Variants in FUT2 observed in about 807,000 individuals in gnomAD.
The protein encoded by FUT2 is fucosyltransferase 2 (H blood group), also known as galactoside alpha-(1,2)-fucosyltransferase 2.
For synonymous variants in FUT2, 182 were observed against 193.1 expected (o/e 0.94, Z 0.48); for missense variants, 419 against 465.8 (o/e 0.90, Z 0.93).
Position 48,703,939 on chromosome 19 carries a change from C to G in FUT2, c.983C>G (p.Pro328Arg), listed in dbSNP as rs200626231. The change falls in exon 2 of 2, where the codon CCG (proline) becomes CGG (arginine). Residue 328 changes from proline to arginine, a missense_variant. By Grantham distance (103) the Pro-to-Arg change is moderately radical (BLOSUM62 -2). Transcript: ENST00000425340. Reference sequence around the variant, plus strand: ...TTTAAGCCAGAGGCAGCCTTCCTGCCGGAGTGGACAGGGATTGCCGCAGAC... The same window carrying G: ...TTTAAGCCAGAGGCAGCCTTCCTGCGGGAGTGGACAGGGATTGCCGCAGAC... ...KIFKPEAAFL[P>R]EWTGIAADLS... is the part of the protein sequence containing the mutation. 2 of 1,613,538 alleles carry G rather than the reference C, an allele frequency of 1.2e-6. No homozygotes were observed. The highest frequency in any genetic ancestry group is 1.6e-4 in the Middle Eastern group (1 of 6,062).
chr19:48,704,364 G>A lies in FUT2; in HGVS notation c.*376G>A. The A allele has an allele frequency of 2.8e-6, 1 of 359,898 alleles. No homozygotes were observed. The highest frequency in any genetic ancestry group is 5.2e-6 in the Non-Finnish European group (1 of 190,704). 22.3% of individuals were successfully genotyped at this position (359,898 alleles called of 1,614,324 possible). A position where few individuals can be genotyped will look rare whatever the true frequency, so the allele number is the denominator to read the frequency against. On this transcript the variant is annotated 3_prime_UTR_variant, in exon 2 of 2. Coordinates refer to ENST00000425340, the MANE Select transcript of FUT2 (RefSeq NM_000511.6). Reference sequence around the variant, plus strand: ...TTGAACCCAGGAGGCGGAGGTTGCAGTGAGCCAAGATGGTGCCGCTGCACT... The same window carrying A: ...TTGAACCCAGGAGGCGGAGGTTGCAATGAGCCAAGATGGTGCCGCTGCACT...
Position 48,705,094 on chromosome 19 carries a change from T to TATTTTA in FUT2, c.*1106_*1107insATTTTA. Reference sequence around the variant, plus strand: ...TGTCCACCCAGAGAGCTCACTGTTTTCTTTTCTTTTTCTTTTCTTTTTTTT... The same window carrying TATTTTA: ...TGTCCACCCAGAGAGCTCACTGTTTTATTTTACTTTTCTTTTTCTTTTCTTTTTTTT... On this transcript the variant is annotated 3_prime_UTR_variant, in exon 2 of 2. Coordinates refer to ENST00000425340, the MANE Select transcript of FUT2 (RefSeq NM_000511.6). 1 of 325,310 alleles carries TATTTTA rather than the reference T, an allele frequency of 3.1e-6. No individual in the cohort carries two copies. The highest frequency in any genetic ancestry group is 5.9e-6 in the Non-Finnish European group (1 of 170,642). 20.2% of individuals were successfully genotyped at this position (325,310 alleles called of 1,614,324 possible). A position where few individuals can be genotyped will look rare whatever the true frequency, so the allele number is the denominator to read the frequency against.
chr19:48,703,607 G>A lies in FUT2; in HGVS notation c.651G>A (p.Val217=), dbSNP rs562359304. Residue 217 remains valine (V), a synonymous_variant, in exon 2 of 2, where the codon GTG becomes GTA. Transcript: ENST00000425340. ...TGCCAAAAGTGTGGAAGGGGGTGGT[G>A]GCCGACCGGCGATACCTACAGCAGG... ...HVMPKVWKGV[V]ADRRYLQQAL... The A allele has an allele frequency of 1.2e-6, 2 of 1,613,294 alleles. No homozygotes were observed. The highest frequency in any genetic ancestry group is 3.3e-5 in the Admixed American group (2 of 59,980).
Position 48,705,765 on chromosome 19 carries a change from G to A in FUT2, c.*1777G>A, listed in dbSNP as rs2032631004. The A allele has an allele frequency of 6.0e-6, 1 of 166,884 alleles. No homozygotes were observed. Among genetic ancestry groups the A allele is most frequent in the Non-Finnish European group, 1.5e-5 (1 of 68,112 alleles). The allele number at this position is 166,884 out of a possible 1,614,324, so 10.3% of individuals were successfully genotyped here. ...TCACCAGTGTGCATACAGTCATGGA[G>A]TTGGGTATTCCCAGCTACCAGGGAG... On this transcript the variant is annotated 3_prime_UTR_variant, in exon 2 of 2. Coordinates refer to ENST00000425340, the MANE Select transcript of FUT2 (RefSeq NM_000511.6).
intron 1 of FUT2, among the ~76,000 whole-genome samples, chr19:48,700,390 G>A (rs1286189132): frequency 6.6e-6 from 1 of 151,050 alleles, no homozygotes; most frequent in East Asian, 2.0e-4. Flanking sequence ...GCAGTGGCGC[G>A]ATCTCGGCTC....
At chr19:48,698,734 C>T (rs939096365) in intron 1 of FUT2, among the ~76,000 whole-genome samples, 1 of 151,894 alleles carries the variant, frequency 6.6e-6, no homozygotes, top group South Asian at 2.1e-4. Flanking sequence ...TGAGCCACTG[C>T]GCCTGGCCTA....
At chr19:48,701,608 G>A (rs563066434) in intron 1 of FUT2, among the ~76,000 whole-genome samples, 1 of 152,100 alleles carries the variant, frequency 6.6e-6, no homozygotes, top group Non-Finnish European at 1.5e-5. Context: ...AGGCCAGGTG[G>A]ACAATTTCCC....
chr19:48,696,261 A>C (rs2032409652), intron 1 of FUT2, 172 bp downstream of exon 1: 1 of 152,218 alleles, frequency 6.6e-6, no homozygotes, highest in African/African-American at 2.4e-5. Flanking sequence ...CTCGGCAGCC[A>C]GGACCCCCCT....
In FUT2 at chr19:48,700,878, T is replaced by G. The variant is rs189990852; in HGVS notation, c.-2-2077T>G. Among the ~76,000 whole-genome samples, 28 of 152,090 alleles carry G rather than the reference T, an allele frequency of 1.8e-4. No individual in the cohort carries two copies. In the East Asian group the frequency reaches 5.5e-3, roughly 30 times the overall value. On this transcript the variant is annotated intron_variant, in intron 1 of 1. Coordinates refer to ENST00000425340, the MANE Select transcript of FUT2 (RefSeq NM_000511.6). ...AAAGAAATGAGACTTCTGGGATTAG[T>G]TTAGCCTCAGATTCTGCAGCTGAGA...
At chr19:48,698,643 T>C (rs935244946) in intron 1 of FUT2, among the ~76,000 whole-genome samples, 1 of 152,016 alleles carries the variant, frequency 6.6e-6, no homozygotes, top group African/African-American at 2.4e-5. Flanking sequence ...GGTTTCTCCA[T>C]GTTGGTCAGG....
rs901264292 is a variant in FUT2, at chr19:48,705,846, T to C, written c.*1858T>C. ...AGTTAGGGAATATAGTGCACCGTGATTGGACTTGCGAATAGCCACTGCACT... is the reference window on the plus strand; with the variant it reads ...AGTTAGGGAATATAGTGCACCGTGACTGGACTTGCGAATAGCCACTGCACT... On this transcript the variant is annotated 3_prime_UTR_variant, in exon 2 of 2. Transcript: ENST00000425340. 31 of 166,338 alleles carry C rather than the reference T, an allele frequency of 1.9e-4. No homozygotes were observed. The highest frequency in any genetic ancestry group is 2.2e-4 in the African/African-American group (9 of 41,404). The allele number at this position is 166,338 out of a possible 1,614,324, so 10.3% of individuals were successfully genotyped here.
At chr19:48,697,538 A>G (rs1484787985) in intron 1 of FUT2, among the ~76,000 whole-genome samples, 2 of 151,948 alleles carry the variant, frequency 1.3e-5, no homozygotes, top group Non-Finnish European at 2.9e-5. Context: ...TTCAAAAAAA[A>G]TAATGCCTTC....
chr19:48,704,093 T>C lies in FUT2; in HGVS notation c.*105T>C, dbSNP rs2032588417. Reference sequence around the variant, plus strand: ...CCATGAGCAGGACCCATCTCTCTTCTGTGAAGATGCGTTGGGCTGCAAGTA... The same window carrying C: ...CCATGAGCAGGACCCATCTCTCTTCCGTGAAGATGCGTTGGGCTGCAAGTA... On this transcript the variant is annotated 3_prime_UTR_variant, in exon 2 of 2. Coordinates refer to ENST00000425340, the MANE Select transcript of FUT2 (RefSeq NM_000511.6). 2.8e-6 allele frequency: 3 copies of C among 1,088,862 alleles called. No homozygotes were observed. Among genetic ancestry groups the C allele is most frequent in the Non-Finnish European group, 2.8e-6 (2 of 713,080 alleles). The allele number at this position is 1,088,862 out of a possible 1,614,324, so 67.5% of individuals were successfully genotyped here.
chr19:48,703,919 G>C lies in FUT2; in HGVS notation c.963G>C (p.Lys321Asn). Residue 321 changes from lysine to asparagine, a missense_variant, in exon 2 of 2, where the codon AAG becomes AAC. Lys to Asn is a moderately conservative substitution (Grantham distance 94). Coordinates refer to ENST00000425340, the MANE Select transcript of FUT2 (RefSeq NM_000511.6). ...ACTCCCCTTTCCTCAAAATCTTTAA[G>C]CCAGAGGCAGCCTTCCTGCCGGAGT... ...LPDSPFLKIF[K>N]PEAAFLPEWT... is the part of the protein sequence containing the mutation. 1 of 1,613,532 alleles carries C rather than the reference G, an allele frequency of 6.2e-7. No individual in the cohort carries two copies. The highest frequency in any genetic ancestry group is 2.2e-5 in the East Asian group (1 of 44,876).
At position 48,702,237 on chromosome 19, in the gene FUT2, CAA is replaced by C. The variant is rs558960201; in HGVS notation, c.-2-715_-2-714del. ...CCAACATACTGAGACCTTATCTCTA[CAA>C]AAGAGAATTTGTTTTTAGTTAGCTG... On this transcript the variant is annotated intron_variant, in intron 1 of 1. Coordinates refer to ENST00000425340, the MANE Select transcript of FUT2 (RefSeq NM_000511.6). Among the ~76,000 whole-genome samples the C allele has an allele frequency of 1.8e-4, 28 of 151,950 alleles. 2 individuals are homozygous for C. In the South Asian group the frequency reaches 5.7e-3, roughly 31 times the overall value.
rs2032600992 is a variant in FUT2 at position 48,704,524 on chromosome 19, G to A, written c.*536G>A. 2 of 416,674 alleles carry A rather than the reference G, an allele frequency of 4.8e-6. No homozygotes were observed. Among genetic ancestry groups the A allele is most frequent in the Non-Finnish European group, 8.8e-6 (2 of 228,008 alleles). The allele number at this position is 416,674 out of a possible 1,614,324, so 25.8% of individuals were successfully genotyped here. On this transcript the variant is annotated 3_prime_UTR_variant, in exon 2 of 2. Transcript: ENST00000425340. Reference sequence around the variant, plus strand: ...CAGAAGTGGCCCAGGTCCAGGGTCAGTTAATTTAGCGGCTCCACAAAGTCA... The same window carrying A: ...CAGAAGTGGCCCAGGTCCAGGGTCAATTAATTTAGCGGCTCCACAAAGTCA...
intron 1 of FUT2, among the ~76,000 whole-genome samples, chr19:48,700,807 C>T (rs904313241): frequency 2.6e-5 from 4 of 151,988 alleles, no homozygotes; most frequent in East Asian, 1.9e-4. Context: ...CCCACAACTC[C>T]GATGGGTAGG....
rs1340582172 is a variant in FUT2, at chr19:48,703,147, G to A, written c.191G>A (p.Trp64Ter). Residue 64 changes from tryptophan to a stop codon, truncating the protein, a stop_gained, in exon 2 of 2, where the codon TGG becomes TAG. Coordinates refer to ENST00000425340, the MANE Select transcript of FUT2 (RefSeq NM_000511.6). LOFTEE classifies it low-confidence loss of function (END_TRUNC). The part of the protein sequence containing the change: ...ALGPSQLRGM[W>*]TINAIGRLGN... ...GGACCCAGCCAGCTCAGGGGGATGTGGACGATCAATGCAATAGGCCGCCTG... is the reference window on the plus strand; with the variant it reads ...GGACCCAGCCAGCTCAGGGGGATGTAGACGATCAATGCAATAGGCCGCCTG... 4 of 1,613,386 alleles carry A rather than the reference G, an allele frequency of 2.5e-6. No homozygotes were observed. In the African/African-American group the frequency reaches 5.3e-5, roughly 22 times the overall value.
At chr19:48,700,176 A>G (rs1044774403) in intron 1 of FUT2, among the ~76,000 whole-genome samples, 5 of 148,248 alleles carry the variant, frequency 3.4e-5, no homozygotes, top group Non-Finnish European at 6.0e-5. Context: ...AAAAAAAAAG[A>G]AAAGGAAAAG....
Sources: allele counts gnomAD v4.1 joint callset (sites outside exome capture counted in the v4.1 genomes callset), GRCh38; gene constraint gnomAD v4.1.1; transcripts MANE v1.5; gene names NCBI Gene and HGNC (gene_info 2026-07-23, HGNC 2026-07-21).